GRIN2C: variants seen among roughly 807,000 people sequenced by gnomAD.
The protein encoded by GRIN2C is glutamate ionotropic receptor NMDA type subunit 2C, also known as glutamate receptor ionotropic, NMDA 2C.
In GRIN2C, 64 loss-of-function variants were observed where a neutral mutation model predicts 77.7. The ratio of observed to expected loss-of-function variants is 0.82; its 90% CI spans 0.67 to 1.01. The LOEUF (loss-of-function observed/expected upper bound fraction) is 1.01. GRIN2C is among the 50% of genes least tolerant of loss of function. The pLI, the probability that GRIN2C is intolerant of heterozygous loss-of-function variation, is 0.00. For synonymous variants in GRIN2C, 792 were observed against 643.4 expected (o/e 1.23, Z -3.49); for missense variants, 1,549 against 1,486.0 (o/e 1.04, Z -0.70).
chr17:74,854,510 A>G (rs936025155), intron 2 of GRIN2C, 184 bp downstream of exon 2: 28 of 587,810 alleles, frequency 4.8e-5, no homozygotes, highest in African/African-American at 3.9e-4. Context: ...GTCAGCCCAG[A>G]ATATCTCTCC....
rs1020664229 is a variant in GRIN2C, at chr17:74,843,307, G to C, written c.2830C>G (p.Pro944Ala). 7.3e-7 allele frequency: 1 copy of C among 1,375,422 alleles called. No homozygotes were observed. Among genetic ancestry groups the C allele is most frequent in the Non-Finnish European group, 9.8e-7 (1 of 1,021,436 alleles). 85.2% of individuals were successfully genotyped at this position (1,375,422 alleles called of 1,614,324 possible). A position where few individuals can be genotyped will look rare whatever the true frequency, so the allele number is the denominator to read the frequency against. Residue 944 changes from proline (P) to alanine (A), a missense_variant, in exon 13 of 13, where the codon CCA becomes GCA. This residue lies in a region of GRIN2C where 450 missense variants were observed against 267.9 expected (regional missense o/e 1.68). Coordinates refer to ENST00000293190, the MANE Select transcript of GRIN2C (RefSeq NM_000835.6). ...GGCGGGTCGGGGGTGGGCAGGCATG[G>C]GCTGGGGCCAGACCGCGGGGTCGGG... Reference protein sequence around the residue: ...PCPTPRSGPSPCLPTPDPPPE... With the variant: ...PCPTPRSGPSACLPTPDPPPE...
intron 7 of GRIN2C, among the ~76,000 whole-genome samples, chr17:74,848,248 T>G (rs1445661079): frequency 6.6e-6 from 1 of 152,018 alleles, no homozygotes; most frequent in Non-Finnish European, 1.5e-5. Context: ...TCCTTTGACT[T>G]CACAACCCCT....
intron 11 of GRIN2C, among the ~76,000 whole-genome samples, chr17:74,844,935 G>GTTA (rs201376626): frequency 0.011 from 1,595 of 151,446 alleles, 28 homozygotes; most frequent in African/African-American, 0.037. Context: ...TATTATTATT[G>GTTA]TTATTATTAT....
At chr17:74,851,520 G>A in intron 4 of GRIN2C, 57 bp downstream of exon 4, 1 of 955,806 alleles carries the variant, frequency 1.0e-6, no homozygotes, top group South Asian at 1.4e-5. Context: ...GGGCACAAGA[G>A]GAGGCGGGGA....
In GRIN2C at chr17:74,854,974, C is replaced by T. The variant is rs1367867461; in HGVS notation, c.119G>A (p.Gly40Glu). The part of the protein sequence containing the change: ...MTVAVVFSSS[G>E]PPQAQFRARL... ...GGCACGGAACTGGGCCTGGGGCGGC[C>T]CTGAGCTGCTAAACACCACGGCCAC... The change falls in exon 2 of 13, where the codon GGG becomes GAG. Residue 40 changes from glycine (G) to glutamate (E), a missense_variant. Transcript: ENST00000293190. 1.2e-6 allele frequency: 2 copies of T among 1,610,854 alleles called. No homozygotes were observed. Among genetic ancestry groups the T allele is most frequent in the South Asian group, 1.1e-5 (1 of 91,060 alleles).
Position 74,847,176 on chromosome 17 carries a change from G to A in GRIN2C, c.2001+132C>T. The A allele has an allele frequency of 1.3e-6, 1 of 773,458 alleles. No homozygotes were observed. The highest frequency in any genetic ancestry group is 1.7e-5 in the South Asian group (1 of 58,156). 47.9% of individuals were successfully genotyped at this position (773,458 alleles called of 1,614,324 possible). ...CCCAGCCCCCAACCCCTTCTCAGCAGGCCCTGAAGCTTCTTCCTGCCCCAG... is the reference window on the plus strand; with the variant it reads ...CCCAGCCCCCAACCCCTTCTCAGCAAGCCCTGAAGCTTCTTCCTGCCCCAG... On this transcript the variant is annotated intron_variant, in intron 9 of 12. Coordinates refer to ENST00000293190, the MANE Select transcript of GRIN2C (RefSeq NM_000835.6). This position sits in a 1 kb window ranked among gnomAD's most constrained non-coding sequence, Gnocchi z 5.2.
rs776530810 is a variant in GRIN2C at position 74,847,282 on chromosome 17, A to G, written c.2001+26T>C. On this transcript the variant is annotated intron_variant, in intron 9 of 12. Coordinates refer to ENST00000293190, the MANE Select transcript of GRIN2C (RefSeq NM_000835.6). This position sits in a 1 kb window ranked among gnomAD's most constrained non-coding sequence, Gnocchi z 5.2. ...GTCCCCACCCTCAGTGCCCCCCCCC[A>G]CCCCCAGCAGCTATGGCCCCACAAC... 1 of 328,306 alleles carries G rather than the reference A, an allele frequency of 3.0e-6. No individual in the cohort carries two copies. The highest frequency in any genetic ancestry group is 2.8e-5 in the South Asian group (1 of 35,994). The allele number at this position is 328,306 out of a possible 1,614,324, so 20.3% of individuals were successfully genotyped here.
chr17:74,855,246 G>A (rs472890), intron 1 of GRIN2C, 139 bp from the exon 2 acceptor site: 458,108 of 631,284 alleles, frequency 0.73, 167,485 homozygotes, highest in Admixed American at 0.79. Flanking sequence ...GAAGAGAGGC[G>A]GAGAGAGAGG....
intron 2 of GRIN2C, chr17:74,852,855 G>A: frequency 4.9e-6 from 2 of 407,044 alleles, no homozygotes; most frequent in Non-Finnish European, 8.6e-6. Context: ...CAGCACCACT[G>A]GGGAGTTTGT....
In GRIN2C at chr17:74,847,732, C is replaced by T. The variant is rs760939000; in HGVS notation, c.1771+120G>A. The T allele has an allele frequency of 1.2e-5, 12 of 1,011,576 alleles. No homozygotes were observed. The highest frequency in any genetic ancestry group is 1.5e-5 in the Non-Finnish European group (10 of 671,524). 62.7% of individuals were successfully genotyped at this position (1,011,576 alleles called of 1,614,324 possible). On this transcript the variant is annotated intron_variant, in intron 8 of 12. Coordinates refer to ENST00000293190, the MANE Select transcript of GRIN2C (RefSeq NM_000835.6). The surrounding 1 kb of genome is among the most constrained non-coding windows in gnomAD (Gnocchi z 5.2). ...TGTGTGTCATCTGACTGGCCCCCAG[C>T]ATGTGCCATCCAAAAGCAAGGGACC...
chr17:74,849,709 C>G lies in GRIN2C; in HGVS notation c.1645+71G>C. The G allele has an allele frequency of 6.9e-7, 1 of 1,440,884 alleles. No individual in the cohort carries two copies. 89.3% of individuals were successfully genotyped at this position (1,440,884 alleles called of 1,614,324 possible). On this transcript the variant is annotated intron_variant, in intron 7 of 12. Coordinates refer to ENST00000293190, the MANE Select transcript of GRIN2C (RefSeq NM_000835.6). The surrounding 1 kb of genome is among the most constrained non-coding windows in gnomAD (Gnocchi z 4.6). ...GAGCCCACCCAACTCCCCATCCCCA[C>G]CCAAGCTGTACACACCCTCCTCGTG...
chr17:74,842,603 G>A lies in GRIN2C; in HGVS notation c.3534C>T (p.Leu1178=), dbSNP rs2037321365. 2.6e-6 allele frequency: 2 copies of A among 764,702 alleles called. No homozygotes were observed. The highest frequency in any genetic ancestry group is 1.4e-5 in the South Asian group (1 of 72,634). 47.4% of individuals were successfully genotyped at this position (764,702 alleles called of 1,614,324 possible). ...GCCCCAGAGGCCCCCAGGCCCCGGA[G>A]AGCCAGGAGCCGTGGCTGGCACAGG... is the stretch of plus-strand genomic sequence containing the variant. The part of the protein sequence containing the change: ...LPPCASHGSW[L]SGAWGPLGHR... Residue 1178 remains leucine, a synonymous_variant, in exon 13 of 13, where the codon CTC becomes CTT. Coordinates refer to ENST00000293190, the MANE Select transcript of GRIN2C (RefSeq NM_000835.6).
rs1421792623 is a variant in GRIN2C at position 74,843,448 on chromosome 17, G to C, written c.2689C>G (p.Leu897Val). The change falls in exon 13 of 13, where the codon CTG (leucine) becomes GTG (valine). Residue 897 changes from leucine to valine, a missense_variant. Leu to Val is a conservative substitution (Grantham distance 32). Around this residue, in one of 3 missense-constraint regions of GRIN2C, gnomAD observed 450 missense variants for 267.9 expected, o/e 1.68. Transcript: ENST00000293190. ...SSAQASVLKM[L>V]QAARDMVTTA... Reference sequence around the variant, plus strand: ...GTCACCATGTCGCGGGCTGCCTGCAGCATCTTGAGCACGCTGGCCTGGGCC... The same window carrying C: ...GTCACCATGTCGCGGGCTGCCTGCACCATCTTGAGCACGCTGGCCTGGGCC... 10 of 1,535,378 alleles carry C rather than the reference G, an allele frequency of 6.5e-6. No individual in the cohort carries two copies. The highest frequency in any genetic ancestry group is 1.4e-5 in the African/African-American group (1 of 72,988).
chr17:74,842,195 C>T lies in GRIN2C; in HGVS notation c.*240G>A, dbSNP rs567758297. ...GGAAGGGAGAGCCTCAGGAGTCTGA[C>T]CCCCACAGCACACCCTCCTGGCAGA... On this transcript the variant is annotated 3_prime_UTR_variant, in exon 13 of 13. Coordinates refer to ENST00000293190, the MANE Select transcript of GRIN2C (RefSeq NM_000835.6). 1.1e-4 allele frequency: 55 copies of T among 492,284 alleles called. No individual in the cohort carries two copies. Among genetic ancestry groups the T allele is most frequent in the African/African-American group, 9.4e-4 (47 of 49,858 alleles). The allele number at this position is 492,284 out of a possible 1,614,324, so 30.5% of individuals were successfully genotyped here.
At position 74,849,961 on chromosome 17, in the gene GRIN2C, A is replaced by G. The variant is rs528818820; in HGVS notation, c.1492-28T>C. ...GGGGGCCGGACGCCACGGAGGTTTG[A>G]AAAAGGGGCTCCCGTGGGGTGGACA... On this transcript the variant is annotated intron_variant, in intron 6 of 12. Coordinates refer to ENST00000293190, the MANE Select transcript of GRIN2C (RefSeq NM_000835.6). The surrounding 1 kb of genome is among the most constrained non-coding windows in gnomAD (Gnocchi z 4.6). 1.7e-5 allele frequency: 28 copies of G among 1,602,114 alleles called. No individual in the cohort carries two copies. In the African/African-American group the frequency reaches 1.8e-4, roughly 10 times the overall value.
chr17:74,849,977 G>A lies in GRIN2C; in HGVS notation c.1492-44C>T, dbSNP rs1276316947. On this transcript the variant is annotated intron_variant, in intron 6 of 12. Transcript: ENST00000293190. This position sits in a 1 kb window ranked among gnomAD's most constrained non-coding sequence, Gnocchi z 4.6. Reference sequence around the variant, plus strand: ...GGAGGTTTGAAAAAGGGGCTCCCGTGGGGTGGACACGCTGCACAGGCACCT... The same window carrying A: ...GGAGGTTTGAAAAAGGGGCTCCCGTAGGGTGGACACGCTGCACAGGCACCT... 1.3e-6 allele frequency: 2 copies of A among 1,588,030 alleles called. No individual in the cohort carries two copies. Among genetic ancestry groups the A allele is most frequent in the Non-Finnish European group, 1.7e-6 (2 of 1,167,636 alleles).
rs1290205449 is a variant in GRIN2C, at chr17:74,851,546, C to T, written c.1113+31G>A. The T allele has an allele frequency of 3.8e-6, 5 of 1,326,018 alleles. No individual in the cohort carries two copies. In the South Asian group the frequency reaches 6.3e-5, roughly 17 times the overall value. The allele number at this position is 1,326,018 out of a possible 1,614,324, so 82.1% of individuals were successfully genotyped here. ...GAGGCGGGGACAAAATAAGAGGACA[C>T]TGAGGGCCCCTGGGCTCACCCCCTT... is the stretch of plus-strand genomic sequence containing the variant. On this transcript the variant is annotated intron_variant, in intron 4 of 12. Coordinates refer to ENST00000293190, the MANE Select transcript of GRIN2C (RefSeq NM_000835.6).
chr17:74,846,964 C>G lies in GRIN2C; in HGVS notation c.2002-44G>C. The stretch of plus-strand genomic sequence containing the variant: ...AGCCAGTCACAACCCTTCCTCCAGC[C>G]TTCCAGGCACCAAAGCCCCAAACCC... On this transcript the variant is annotated intron_variant, in intron 9 of 12. Coordinates refer to ENST00000293190, the MANE Select transcript of GRIN2C (RefSeq NM_000835.6). The surrounding 1 kb of genome is among the most constrained non-coding windows in gnomAD (Gnocchi z 4.4). 1.9e-6 allele frequency: 3 copies of G among 1,575,100 alleles called. No individual in the cohort carries two copies. Among genetic ancestry groups the G allele is most frequent in the Non-Finnish European group, 2.6e-6 (3 of 1,159,608 alleles).
intron 11 of GRIN2C, among the ~76,000 whole-genome samples, chr17:74,845,230 G>C (rs943007935): frequency 1.4e-5 from 2 of 145,228 alleles, no homozygotes; most frequent in Non-Finnish European, 3.0e-5. Flanking sequence ...TCACCTGGCC[G>C]CTCTCATTAT....
Sources: allele counts gnomAD v4.1 joint callset (sites outside exome capture counted in the v4.1 genomes callset), GRCh38; gene constraint gnomAD v4.1.1; regional missense constraint gnomAD v4.1.1; non-coding constraint Gnocchi (gnomAD v3.1); transcripts MANE v1.5; gene names NCBI Gene and HGNC (gene_info 2026-07-23, HGNC 2026-07-21).